Variants in GPR152 observed in about 807,000 individuals in gnomAD.
GPR152 encodes probable G protein-coupled receptor 152.
For missense variants in GPR152, 549 were observed against 617.2 expected (o/e 0.89, Z 1.17); for synonymous variants, 278 against 289.0 (o/e 0.96, Z 0.39).
In GPR152 at chr11:67,451,846, G is replaced by A. The variant is rs376906160; in HGVS notation, c.879C>T (p.Phe293=). 3.3e-5 allele frequency: 54 copies of A among 1,613,066 alleles called. No individual in the cohort carries two copies. Among genetic ancestry groups the A allele is most frequent in the Non-Finnish European group, 4.5e-5 (53 of 1,179,980 alleles). Reference sequence around the variant, plus strand: ...GGTCGGCACTGGCCATGAGGCAGAGGAAGGGGCTGAGGCAGCTGTTGAGTA... The same window carrying A: ...GGTCGGCACTGGCCATGAGGCAGAGAAAGGGGCTGAGGCAGCTGTTGAGTA... ...LILLNSCLSP[F]LCLMASADLR... Residue 293 remains phenylalanine (F), a synonymous_variant, in exon 1 of 1, where the codon TTC becomes TTT. Transcript: ENST00000312457.
In GPR152 at chr11:67,451,959, C is replaced by G; in HGVS notation, c.766G>C (p.Ala256Pro). The change falls in exon 1 of 1, where the codon GCC becomes CCC. Residue 256 changes from alanine (A) to proline (P), a missense_variant. By Grantham distance (27) the Ala-to-Pro change is conservative. Transcript: ENST00000312457. ...AGGAAGGCCAGGTAGAGCAGCTGGG[C>G]CAGCTGGTAGGGCAGCCTCAGGACC... is the stretch of plus-strand genomic sequence containing the variant. ...YVVLRLPYQL[A>P]QLLYLAFLWD... The G allele has an allele frequency of 6.2e-7, 1 of 1,610,468 alleles. No homozygotes were observed. The highest frequency in any genetic ancestry group is 8.5e-7 in the Non-Finnish European group (1 of 1,179,998).
chr11:67,452,088 C>T lies in GPR152; in HGVS notation c.637G>A (p.Val213Met), dbSNP rs779067364. The T allele has an allele frequency of 1.1e-5, 18 of 1,612,002 alleles. No homozygotes were observed. Among genetic ancestry groups the T allele is most frequent in the Non-Finnish European group, 1.4e-5 (16 of 1,179,828 alleles). Reference sequence around the variant, plus strand: ...CGACAGGCTGTGGCCTGGGTGAGCACGTGGCAGACGAGCAGCAGGAGGAAA... The same window carrying T: ...CGACAGGCTGTGGCCTGGGTGAGCATGTGGCAGACGAGCAGCAGGAGGAAA... ...LPFLLLLVCHVLTQATACRTC... is the reference protein window; with the variant it reads ...LPFLLLLVCHMLTQATACRTC... The change falls in exon 1 of 1, where the codon GTG becomes ATG. Residue 213 changes from valine to methionine, a missense_variant. Physicochemically the swap from Val to Met is conservative, Grantham distance 21. Coordinates refer to ENST00000312457, the MANE Select transcript of GPR152 (RefSeq NM_206997.1).
At position 67,452,677 on chromosome 11, in the gene GPR152, GGGCCTGT is replaced by G; in HGVS notation, c.41_47del (p.His14ProfsTer34). ...AGTCCTCATCATCAAGCTCTGTGCG[GGGCCTGT>G]GGCCAGTGGCACCCAGGTCAGCTTC... is the stretch of plus-strand genomic sequence containing the variant. On this transcript the variant is annotated frameshift_variant, in exon 1 of 1. Coordinates refer to ENST00000312457, the MANE Select transcript of GPR152 (RefSeq NM_206997.1). LOFTEE classifies it low-confidence loss of function (END_TRUNC). 9 of 1,600,884 alleles carry G rather than the reference GGGCCTGT, an allele frequency of 5.6e-6. No homozygotes were observed. Among genetic ancestry groups the G allele is most frequent in the Non-Finnish European group, 6.8e-6 (8 of 1,171,302 alleles).
Position 67,452,244 on chromosome 11 carries a change from G to C in GPR152, c.481C>G (p.Leu161Val). The C allele has an allele frequency of 6.2e-7, 1 of 1,609,984 alleles. No individual in the cohort carries two copies. Among genetic ancestry groups the C allele is most frequent in the East Asian group, 2.2e-5 (1 of 44,880 alleles). The change falls in exon 1 of 1, where the codon CTC (leucine) becomes GTC (valine). Residue 161 changes from leucine (L) to valine (V), a missense_variant. By Grantham distance (32) the Leu-to-Val change is conservative (BLOSUM62 1). Coordinates refer to ENST00000312457, the MANE Select transcript of GPR152 (RefSeq NM_206997.1). ...VCAGVWVLAT[L>V]FSVPWLVFPE... ...AAGACCAGCCAGGGCACGCTGAAGA[G>C]TGTGGCCAGCACCCAGACACCGGCG...
In GPR152 at chr11:67,451,600, CT is replaced by C. The variant is rs769453442; in HGVS notation, c.1124del (p.Gln375ArgfsTer2). 6 of 1,613,996 alleles carry C rather than the reference CT, an allele frequency of 3.7e-6. 1 individual carries two copies. In the East Asian group the frequency reaches 1.3e-4, roughly 36 times the overall value. On this transcript the variant is annotated frameshift_variant, in exon 1 of 1. Transcript: ENST00000312457. LOFTEE classifies it low-confidence loss of function (END_TRUNC). ...QPRSDPTAQP[Q>X]LNPTAQPQSD... is the part of the protein sequence containing the mutation. ...ACTGTGGCTGGGCCGTAGGGTTCAGCTGTGGCTGAGCTGTGGGATCCGATCG... is the reference window on the plus strand; with the variant it reads ...ACTGTGGCTGGGCCGTAGGGTTCAGCGTGGCTGAGCTGTGGGATCCGATCG...
chr11:67,451,824 C>T lies in GPR152; in HGVS notation c.901G>A (p.Asp301Asn), dbSNP rs748077393. 37 of 1,612,980 alleles carry T rather than the reference C, an allele frequency of 2.3e-5. No individual in the cohort carries two copies. The highest frequency in any genetic ancestry group is 1.7e-4 in the Admixed American group (10 of 60,014). ...ACGGAGCGCAGCAGGGTCCGGAGGT[C>T]GGCACTGGCCATGAGGCAGAGGAAG... ...SPFLCLMASA[D>N]LRTLLRSVLS... The change falls in exon 1 of 1, where the codon GAC becomes AAC. Residue 301 changes from aspartate (D) to asparagine (N), a missense_variant. By Grantham distance (23) the Asp-to-Asn change is conservative. Transcript: ENST00000312457.
At position 67,451,776 on chromosome 11, in the gene GPR152, GA is replaced by G; in HGVS notation, c.948del (p.Leu317SerfsTer18). 1.2e-6 allele frequency: 2 copies of G among 1,613,188 alleles called. No homozygotes were observed. Among genetic ancestry groups the G allele is most frequent in the Non-Finnish European group, 1.7e-6 (2 of 1,180,018 alleles). ...LRSVLSSFAA[A>X]LCEERPGSFT... ...AAGCTGCCCGGCCGCTCCTCGCAGAGAGCTGCCGCGAAGGACGAGAGCACGG... is the reference window on the plus strand; with the variant it reads ...AAGCTGCCCGGCCGCTCCTCGCAGAGGCTGCCGCGAAGGACGAGAGCACGG... On this transcript the variant is annotated frameshift_variant, in exon 1 of 1. Transcript: ENST00000312457. LOFTEE classifies it low-confidence loss of function (END_TRUNC).
rs1864572070 is a variant in GPR152, at chr11:67,451,845, G to C, written c.880C>G (p.Leu294Val). Residue 294 changes from leucine (L) to valine (V), a missense_variant, in exon 1 of 1, where the codon CTC becomes GTC. Physicochemically the swap from Leu to Val is conservative, Grantham distance 32. Coordinates refer to ENST00000312457, the MANE Select transcript of GPR152 (RefSeq NM_206997.1). ...ILLNSCLSPF[L>V]CLMASADLRT... Reference sequence around the variant, plus strand: ...AGGTCGGCACTGGCCATGAGGCAGAGGAAGGGGCTGAGGCAGCTGTTGAGT... The same window carrying C: ...AGGTCGGCACTGGCCATGAGGCAGACGAAGGGGCTGAGGCAGCTGTTGAGT... 6.2e-7 allele frequency: 1 copy of C among 1,613,206 alleles called. No homozygotes were observed. Among genetic ancestry groups the C allele is most frequent in the Non-Finnish European group, 8.5e-7 (1 of 1,179,970 alleles).
In GPR152 at chr11:67,451,751, A is replaced by G. The variant is rs1020991589; in HGVS notation, c.974T>C (p.Phe325Ser). The G allele has an allele frequency of 6.2e-7, 1 of 1,613,432 alleles. No homozygotes were observed. Among genetic ancestry groups the G allele is most frequent in the Non-Finnish European group, 8.5e-7 (1 of 1,180,024 alleles). The change falls in exon 1 of 1, where the codon TTC (phenylalanine) becomes TCC (serine). Residue 325 changes from phenylalanine to serine, a missense_variant. By Grantham distance (155) the Phe-to-Ser change is radical (BLOSUM62 -2). Coordinates refer to ENST00000312457, the MANE Select transcript of GPR152 (RefSeq NM_206997.1). ...CTGGGTCTGTGGCTCAGTGGGCGTGAAGCTGCCCGGCCGCTCCTCGCAGAG... is the reference window on the plus strand; with the variant it reads ...CTGGGTCTGTGGCTCAGTGGGCGTGGAGCTGCCCGGCCGCTCCTCGCAGAG... The part of the protein sequence containing the change: ...AALCEERPGS[F>S]TPTEPQTQLD...
Position 67,451,822 on chromosome 11 carries a change from G to T in GPR152, c.903C>A (p.Asp301Glu), listed in dbSNP as rs1255553274. ...GCACGGAGCGCAGCAGGGTCCGGAG[G>T]TCGGCACTGGCCATGAGGCAGAGGA... ...SPFLCLMASA[D>E]LRTLLRSVLS... is the part of the protein sequence containing the mutation. The change falls in exon 1 of 1, where the codon GAC becomes GAA. Residue 301 changes from aspartate (D) to glutamate (E), a missense_variant. By Grantham distance (45) the Asp-to-Glu change is conservative (BLOSUM62 2). Transcript: ENST00000312457. 3 of 1,613,170 alleles carry T rather than the reference G, an allele frequency of 1.9e-6. No homozygotes were observed. The highest frequency in any genetic ancestry group is 1.7e-5 in the Admixed American group (1 of 60,036).
rs1477470046 is a variant in GPR152 at position 67,452,115 on chromosome 11, G to A, written c.610C>T (p.Pro204Ser). 1 of 1,611,982 alleles carries A rather than the reference G, an allele frequency of 6.2e-7. No individual in the cohort carries two copies. The highest frequency in any genetic ancestry group is 8.5e-7 in the Non-Finnish European group (1 of 1,179,894). Residue 204 changes from proline to serine, a missense_variant, in exon 1 of 1, where the codon CCT becomes TCT. Physicochemically the swap from Pro to Ser is moderately conservative, Grantham distance 74. Coordinates refer to ENST00000312457, the MANE Select transcript of GPR152 (RefSeq NM_206997.1). ...TGGCAGACGAGCAGCAGGAGGAAAG[G>A]CAGGAAGCCCCCCAGGACCTCCAGC... Reference protein sequence around the residue: ...RMLEVLGGFLPFLLLLVCHVL... With the variant: ...RMLEVLGGFLSFLLLLVCHVL...
chr11:67,452,275 C>A lies in GPR152; in HGVS notation c.450G>T (p.Trp150Cys), dbSNP rs1554995491. ...CCAGCACCCAGACACCGGCGCAGAC[C>A]CAGAGGGGCAGGCGGACTGGGCGGT... ...PGHRPVRLPL[W>C]VCAGVWVLAT... Residue 150 changes from tryptophan to cysteine, a missense_variant, in exon 1 of 1, where the codon TGG becomes TGT. Transcript: ENST00000312457. 13 of 1,611,334 alleles carry A rather than the reference C, an allele frequency of 8.1e-6. No individual in the cohort carries two copies. Among genetic ancestry groups the A allele is most frequent in the Non-Finnish European group, 1.0e-5 (12 of 1,179,898 alleles).
Position 67,452,009 on chromosome 11 carries a change from G to A in GPR152, c.716C>T (p.Ala239Val). ...CACATAGGCTGACAGAATGGTCCTG[G>A]CCACACGGGCGAAGCCCCGGCAGGC... ...PAACRGFARV[A>V]RTILSAYVVL... The change falls in exon 1 of 1, where the codon GCC becomes GTC. Residue 239 changes from alanine (A) to valine (V), a missense_variant. Coordinates refer to ENST00000312457, the MANE Select transcript of GPR152 (RefSeq NM_206997.1). The A allele has an allele frequency of 6.2e-7, 1 of 1,611,816 alleles. No homozygotes were observed.
Position 67,452,207 on chromosome 11 carries a change from G to A in GPR152, c.518C>T (p.Ala173Val), listed in dbSNP as rs1277603507. The A allele has an allele frequency of 6.2e-7, 1 of 1,608,310 alleles. No individual in the cohort carries two copies. The highest frequency in any genetic ancestry group is 1.3e-5 in the African/African-American group (1 of 75,054). ...GATGACCAGGTCGTACCACCAGACG[G>A]CAGCCTCGGGGAAGACCAGCCAGGG... ...SVPWLVFPEA[A>V]VWWYDLVICL... is the part of the protein sequence containing the mutation. The change falls in exon 1 of 1, where the codon GCC becomes GTC. Residue 173 changes from alanine to valine, a missense_variant. Physicochemically the swap from Ala to Val is moderately conservative, Grantham distance 64 (BLOSUM62 0). Transcript: ENST00000312457.
Position 67,452,290 on chromosome 11 carries a change from G to A in GPR152, c.435C>T (p.Val145=). The A allele has an allele frequency of 6.2e-7, 1 of 1,609,504 alleles. No homozygotes were observed. ...CGGCGCAGACCCAGAGGGGCAGGCG[G>A]ACTGGGCGGTGCCCAGGGTACCAGT... ...CPHWYPGHRP[V]RLPLWVCAGV... The change falls in exon 1 of 1, where the codon GTC becomes GTT. Residue 145 remains valine, a synonymous_variant. Coordinates refer to ENST00000312457, the MANE Select transcript of GPR152 (RefSeq NM_206997.1).
At position 67,451,771 on chromosome 11, in the gene GPR152, G is replaced by A. The variant is rs145897875; in HGVS notation, c.954C>T (p.Cys318=). ...SVLSSFAAAL[C]EERPGSFTPT... ...GCGTGAAGCTGCCCGGCCGCTCCTCGCAGAGAGCTGCCGCGAAGGACGAGA... is the reference window on the plus strand; with the variant it reads ...GCGTGAAGCTGCCCGGCCGCTCCTCACAGAGAGCTGCCGCGAAGGACGAGA... Residue 318 remains cysteine (C), a synonymous_variant, in exon 1 of 1, where the codon TGC becomes TGT. Transcript: ENST00000312457. 9.3e-6 allele frequency: 15 copies of A among 1,613,056 alleles called. No individual in the cohort carries two copies. Among genetic ancestry groups the A allele is most frequent in the African/African-American group, 6.7e-5 (5 of 74,946 alleles).
chr11:67,452,226 G>A lies in GPR152; in HGVS notation c.499C>T (p.Leu167=), dbSNP rs748868428. The stretch of plus-strand genomic sequence containing the variant: ...CAGACGGCAGCCTCGGGGAAGACCA[G>A]CCAGGGCACGCTGAAGAGTGTGGCC... ...VLATLFSVPW[L]VFPEAAVWWY... is the part of the protein sequence containing the mutation. Residue 167 remains leucine (L), a synonymous_variant, in exon 1 of 1, where the codon CTG becomes TTG. Transcript: ENST00000312457. 3.7e-6 allele frequency: 6 copies of A among 1,608,812 alleles called. No individual in the cohort carries two copies. The highest frequency in any genetic ancestry group is 5.1e-6 in the Non-Finnish European group (6 of 1,179,952).
Position 67,451,800 on chromosome 11 carries a change from C to T in GPR152, c.925G>A (p.Val309Met), listed in dbSNP as rs145380023. 1.9e-4 allele frequency: 314 copies of T among 1,613,254 alleles called. No homozygotes were observed. In the African/African-American group the frequency reaches 3.7e-3, roughly 19 times the overall value. Residue 309 changes from valine (V) to methionine (M), a missense_variant, in exon 1 of 1, where the codon GTG becomes ATG. Transcript: ENST00000312457. The part of the protein sequence containing the change: ...SADLRTLLRS[V>M]LSSFAAALCE... Reference sequence around the variant, plus strand: ...AGAGCTGCCGCGAAGGACGAGAGCACGGAGCGCAGCAGGGTCCGGAGGTCG... The same window carrying T: ...AGAGCTGCCGCGAAGGACGAGAGCATGGAGCGCAGCAGGGTCCGGAGGTCG...
In GPR152 at chr11:67,451,392, G is replaced by A. The variant is rs897955061; in HGVS notation, c.1333C>T (p.Pro445Ser). The change falls in exon 1 of 1, where the codon CCA (proline) becomes TCA (serine). Residue 445 changes from proline to serine, a missense_variant. Physicochemically the swap from Pro to Ser is moderately conservative, Grantham distance 74. Transcript: ENST00000312457. ...SHPTPGALED[P>S]ATPPASEGES... ...CCTTCAGAGGCAGGAGGTGTGGCTG[G>A]GTCCTCAAGGGCCCCTGGGGTAGGA... is the stretch of plus-strand genomic sequence containing the variant. The A allele has an allele frequency of 1.9e-6, 3 of 1,612,384 alleles. No individual in the cohort carries two copies. The highest frequency in any genetic ancestry group is 2.5e-6 in the Non-Finnish European group (3 of 1,178,886).
Sources: gnomAD v4.1 joint callset for allele counts on GRCh38, gnomAD v4.1.1 for gene constraint, MANE v1.5 for transcripts, NCBI Gene and HGNC (gene_info 2026-07-23, HGNC 2026-07-21) for gene names.